Variants in NF1 observed in about 807,000 individuals in gnomAD.
The protein encoded by NF1 is neurofibromin 1, also known as neurofibromin.
In NF1, 122 loss-of-function variants were observed where a neutral mutation model predicts 325.7. The ratio of observed to expected loss-of-function variants is 0.37; its 90% CI spans 0.32 to 0.44. The LOEUF is 0.44. Ranked by LOEUF, NF1 falls within the 20% of genes least tolerant of loss-of-function variation. The pLI is 1.00. For missense variants in NF1, 2,140 were observed against 3,415.4 expected, an observed-to-expected ratio of 0.63 and a Z score of 9.31; for synonymous variants, 1,091 against 1,186.0, an observed-to-expected ratio of 0.92 and a Z score of 1.65.
chr17:31,130,725 G>T (rs764821239), intron 1 of NF1, among the ~76,000 whole-genome samples: 1 of 152,200 alleles, frequency 6.6e-6, no homozygotes, highest in Admixed American at 6.5e-5. Flanking sequence ...GTGTACTCAC[G>T]CTGGCTGCAG....
Position 31,201,139 on chromosome 17 carries a change from C to T in NF1, c.1165C>T (p.His389Tyr). Residue 389 changes from histidine to tyrosine, a missense_variant, in exon 10 of 58, where the codon CAC becomes TAC. Physicochemically the swap from His to Tyr is moderately conservative, Grantham distance 83 (BLOSUM62 2). Coordinates refer to ENST00000358273, the MANE Select transcript of NF1 (RefSeq NM_001042492.3). ...CLVSCFRISP[H>Y]NNQHFKICLA... ...TGTTTCTTGCTTTCGTATAAGCCCT[C>T]ACAACAACCAACACTTTAAGGTGAG... The T allele has an allele frequency of 6.2e-7, 1 of 1,614,082 alleles. No individual in the cohort carries two copies. The highest frequency in any genetic ancestry group is 8.5e-7 in the Non-Finnish European group (1 of 1,179,992).
chr17:31,229,696 G>T, intron 21 of NF1, 139 bp from the exon 22 acceptor site: 1 of 1,125,390 alleles, frequency 8.9e-7, no homozygotes, highest in Non-Finnish European at 1.3e-6. Context: ...GAGTGTCTGC[G>T]TATATCTGTA....
intron 46 of NF1, 74 bp downstream of exon 46, chr17:31,338,879 T>C: frequency 2.0e-6 from 2 of 975,964 alleles, no homozygotes; most frequent in Admixed American, 3.5e-5. Context: ...TCAAAGAGTT[T>C]AGAAAATAAG....
chr17:31,352,333 G>A lies in NF1; in HGVS notation c.7534G>A (p.Gly2512Ser), dbSNP rs766496842. 9.3e-6 allele frequency: 15 copies of A among 1,613,936 alleles called. No homozygotes were observed. Among genetic ancestry groups the A allele is most frequent in the South Asian group, 5.5e-5 (5 of 91,060 alleles). ...CCTTGCAGCCACCTATCCAACTGTCGGCCAGACCAGTCCCCGAGCCAGGAA... is the reference window on the plus strand; with the variant it reads ...CCTTGCAGCCACCTATCCAACTGTCAGCCAGACCAGTCCCCGAGCCAGGAA... Reference protein sequence around the residue: ...GYLAATYPTVGQTSPRARKSM... With the variant: ...GYLAATYPTVSQTSPRARKSM... The change falls in exon 51 of 58, where the codon GGC becomes AGC. Residue 2512 changes from glycine (G) to serine (S), a missense_variant. By Grantham distance (56) the Gly-to-Ser change is moderately conservative. This residue lies in a region of NF1 where 522 missense variants were observed against 749.0 expected (regional missense o/e 0.70). Transcript: ENST00000358273.
rs143671377 is a variant in NF1 at position 31,226,494 on chromosome 17, A to G, written c.2061A>G (p.Leu687=). 7.4e-6 allele frequency: 12 copies of G among 1,613,792 alleles called. No homozygotes were observed. In the Middle Eastern group the frequency reaches 6.6e-4, roughly 89 times the overall value. ...PPICRQAQTK[L]EVALYMFLWN... is the part of the protein sequence containing the mutation. ...TTTGCCGACAAGCCCAGACCAAACT[A>G]GAAGTGGCCCTGTACATGTTTCTGT... Residue 687 remains leucine (L), a synonymous_variant, in exon 18 of 58, where the codon CTA becomes CTG. Transcript: ENST00000358273.
At chr17:31,285,512 A>G (rs1215342343) in intron 36 of NF1, among the ~76,000 whole-genome samples, 3 of 152,170 alleles carry the variant, frequency 2.0e-5, no homozygotes, top group Non-Finnish European at 4.4e-5. Context: ...TTTGATAAGC[A>G]AGACAAAATG....
chr17:31,349,368 G>A (rs967262895), intron 49 of NF1, 117 bp downstream of exon 49: 62 of 1,009,572 alleles, frequency 6.1e-5, no homozygotes, highest in Middle Eastern at 6.2e-4. Context: ...AAAGTTCACA[G>A]TCTAGTCCTT....
intron 1 of NF1, among the ~76,000 whole-genome samples, chr17:31,139,953 T>C (rs1234928596): frequency 6.6e-6 from 1 of 152,182 alleles, no homozygotes; most frequent in African/African-American, 2.4e-5. Context: ...TGGACAACAG[T>C]TAGAAGCATA....
intron 12 of NF1, among the ~76,000 whole-genome samples, chr17:31,208,464 A>G (rs1016290219): frequency 7.2e-5 from 11 of 152,176 alleles, no homozygotes; most frequent in Admixed American, 7.2e-4. Context: ...CCAGTATGGA[A>G]GTATTGACCT....
intron 1 of NF1, among the ~76,000 whole-genome samples, chr17:31,121,395 C>CTTTTTTTTTTTTTTTTTT (rs71142019): frequency 1.1e-5 from 1 of 92,528 alleles, no homozygotes; most frequent in African/African-American, 4.5e-5. Context: ...AATCACTATT[C>CTTTTTTTTTTTTTTTTTT]TTTTTTTTTT....
intron 1 of NF1, among the ~76,000 whole-genome samples, chr17:31,149,448 G>A (rs1034129594): frequency 2.0e-5 from 3 of 151,984 alleles, no homozygotes; most frequent in African/African-American, 4.8e-5. Context: ...ATAGGCACGC[G>A]CCACCATGGT....
intron 31 of NF1, among the ~76,000 whole-genome samples, chr17:31,254,727 TG>T (rs2067553434): frequency 2.0e-5 from 3 of 152,288 alleles, no homozygotes; most frequent in Non-Finnish European, 4.4e-5. Context: ...TTTCTTGAAA[TG>T]TTTTTTTTTC....
chr17:31,350,624 A>T (rs190671878), intron 50 of NF1, among the ~76,000 whole-genome samples: 9 of 152,328 alleles, frequency 5.9e-5, no homozygotes, highest in Non-Finnish European at 1.0e-4. Context: ...TGGGGAAAAA[A>T]ACTAACGCGA....
intron 5 of NF1, among the ~76,000 whole-genome samples, chr17:31,180,153 C>T (rs1021840408): frequency 2.0e-5 from 3 of 152,180 alleles, no homozygotes; most frequent in Non-Finnish European, 2.9e-5. Flanking sequence ...GGATTCACAG[C>T]CAGATTCAGC....
At chr17:31,183,198 T>A (rs775485217) in intron 8 of NF1, 14 of 226,298 alleles carry the variant, frequency 6.2e-5, no homozygotes, top group Non-Finnish European at 1.2e-4. Context: ...AAAATTTTTT[T>A]AAATATCACC....
At chr17:31,220,517 A>G (rs1345382647) in intron 14 of NF1, among the ~76,000 whole-genome samples, 1 of 152,184 alleles carries the variant, frequency 6.6e-6, no homozygotes, top group Non-Finnish European at 1.5e-5. Context: ...CTTAATTATA[A>G]TAGAATATTA....
chr17:31,283,289 C>G (rs1055623101), intron 36 of NF1, among the ~76,000 whole-genome samples: 40 of 151,856 alleles, frequency 2.6e-4, no homozygotes, highest in African/African-American at 9.7e-4. Flanking sequence ...TGGTGGCGGG[C>G]ACCTGTAGTC....
intron 12 of NF1, among the ~76,000 whole-genome samples, chr17:31,209,934 C>T (rs572470631): frequency 6.6e-6 from 1 of 152,306 alleles, no homozygotes; most frequent in East Asian, 1.9e-4. Context: ...AGGCATGAGC[C>T]ACTGTGCCTG....
chr17:31,254,580 C>T (rs1445919319), intron 31 of NF1, among the ~76,000 whole-genome samples: 3 of 152,082 alleles, frequency 2.0e-5, no homozygotes, highest in African/African-American at 7.2e-5. Context: ...CTGCTTCTAA[C>T]ACTCTTGTTC....
Sources: gnomAD v4.1 joint callset for allele counts (sites outside exome capture counted in the v4.1 genomes callset) on GRCh38, gnomAD v4.1.1 for gene constraint, gnomAD v4.1.1 regional missense constraint, MANE v1.5 for transcripts, NCBI Gene and HGNC (gene_info 2026-07-23, HGNC 2026-07-21) for gene names.